GNL3L: variants seen among roughly 807,000 people sequenced by gnomAD.
GNL3L encodes the protein G protein nucleolar 3 like, also known as guanine nucleotide-binding protein-like 3-like protein.
GNL3L carries 4 observed loss-of-function variants against 42.9 expected under a neutral mutation model. The observed-to-expected ratio is 0.09, with a 90% confidence interval of 0.05 to 0.21. The LOEUF is 0.21. GNL3L is among the 10% of genes least tolerant of loss of function. The pLI, the probability that GNL3L is intolerant of heterozygous loss-of-function variation, is 1.00. For missense variants in GNL3L, 412 were observed against 481.7 expected (o/e 0.86, Z 1.36); for synonymous variants, 159 against 176.3 (o/e 0.90, Z 0.78).
At chrX:54,536,992 G>A (rs1326933309) in intron 2 of GNL3L, among the ~76,000 whole-genome samples, 1 of 107,841 alleles carries the variant, frequency 9.3e-6, no homozygotes, top group African/African-American at 3.4e-5. Context: ...ATTTCATCAG[G>A]ATATGTCCAG....
At chrX:54,580,530 G>C (rs1194968481) in intron 16 of GNL3L, among the ~76,000 whole-genome samples, 5 of 110,645 alleles carry the variant, frequency 4.5e-5, no homozygotes, top group African/African-American at 6.6e-5. Flanking sequence ...TGGGATGGCT[G>C]GGTCAAATGG....
At chrX:54,637,782 T>G in the GNL3L span, among the ~76,000 whole-genome samples, 1 of 112,163 alleles carries the variant, frequency 8.9e-6, no homozygotes, top group Non-Finnish European at 1.9e-5. Context: ...GGTATTATGG[T>G]TATTATTATA....
chrX:54,593,167 T>G (rs1925890714), intron 16 of GNL3L, among the ~76,000 whole-genome samples: 1 of 112,086 alleles, frequency 8.9e-6, no homozygotes, highest in Non-Finnish European at 1.9e-5. Context: ...TTTCTCCTCC[T>G]CTATTTTTTG....
chrX:54,538,378 C>T (rs936227324), intron 2 of GNL3L, among the ~76,000 whole-genome samples: 2 of 111,319 alleles, frequency 1.8e-5, no homozygotes, highest in Non-Finnish European at 3.8e-5. Context: ...CCTTGAGCCC[C>T]TATGAAGGTG....
In GNL3L at chrX:54,587,510, A is replaced by T. The variant is rs758243314; in HGVS notation, c.*45+26863A>T. On this transcript the variant is annotated intron_variant, in intron 16 of 16. Coordinates refer to the GNL3L transcript ENST00000674498. ...TTGAGATAATTACCTTTTTAAAAAAACTATAATAGGCCCTCCAAAACTTGA... is the reference window on the plus strand; with the variant it reads ...TTGAGATAATTACCTTTTTAAAAAATCTATAATAGGCCCTCCAAAACTTGA... Among the ~76,000 whole-genome samples, 183 of 111,296 alleles carry T rather than the reference A, an allele frequency of 1.6e-3. 1 individual carries two copies. In the Middle Eastern group the frequency reaches 0.033, roughly 20 times the overall value.
chrX:54,623,266 A>G (rs1211154040), downstream of GNL3L, among the ~76,000 whole-genome samples: 1 of 92,929 alleles, frequency 1.1e-5, no homozygotes, highest in Non-Finnish European at 1.9e-5. Flanking sequence ...ATGTTGAAAT[A>G]TGTTTTTTTT....
intron 5 of GNL3L, 39 bp downstream of exon 5, chrX:54,541,428 A>G: frequency 1.1e-6 from 1 of 887,968 alleles, no homozygotes; most frequent in Non-Finnish European, 1.6e-6. Context: ...GGTTTGCTCA[A>G]AGCATCTTTT....
intron 16 of GNL3L, among the ~76,000 whole-genome samples, chrX:54,572,580 G>A (rs1210907775): frequency 5.4e-5 from 6 of 110,389 alleles, no homozygotes; most frequent in Non-Finnish European, 1.1e-4. Context: ...CAGTAGGGGC[G>A]GCTGGGCAGA....
chrX:54,544,704 C>T (rs1019709516), intron 8 of GNL3L, among the ~76,000 whole-genome samples: 13 of 110,345 alleles, frequency 1.2e-4, no homozygotes, highest in Non-Finnish European at 7.6e-5. Context: ...TCTCGAACTC[C>T]TGACTTCAGG....
At position 54,550,994 on chromosome X, in the gene GNL3L, C is replaced by T. The variant is rs1924920007; in HGVS notation, c.807C>T (p.Ile269=). Residue 269 remains isoleucine (I), a synonymous_variant, in exon 10 of 16, where the codon ATC becomes ATT. Coordinates refer to ENST00000360845, the MANE Select transcript of GNL3L (RefSeq NM_001184819.2). The part of the protein sequence containing the change: ...GLPNVGKSSL[I]NSLKRSRACS... Reference sequence around the variant, plus strand: ...CCAATGTTGGGAAGAGCAGCCTGATCAATAGCCTGAAGCGCAGCCGCGCAT... The same window carrying T: ...CCAATGTTGGGAAGAGCAGCCTGATTAATAGCCTGAAGCGCAGCCGCGCAT... 9.4e-6 allele frequency: 11 copies of T among 1,165,274 alleles called. No individual in the cohort carries two copies. Among genetic ancestry groups the T allele is most frequent in the African/African-American group, 1.8e-5 (1 of 57,029 alleles).
chrX:54,540,116 T>TC lies in GNL3L; in HGVS notation c.82-18dup, dbSNP rs1222473521. On this transcript the variant is annotated intron_variant, in intron 3 of 15. Coordinates refer to ENST00000360845, the MANE Select transcript of GNL3L (RefSeq NM_001184819.2). ...ATGGGTTCATTACCTCTGTTTTTTT[T>TC]CTCTTATGTGGTGGCCAGCCTGCAA... 5.5e-6 allele frequency: 6 copies of TC among 1,098,641 alleles called. No homozygotes were observed. The African/African-American group carries it at 9.1e-5, about 17-fold the overall frequency. 90.5% of individuals were successfully genotyped at this position (1,098,641 alleles called of 1,213,427 possible).
At chrX:54,635,786 A>T in the GNL3L span, among the ~76,000 whole-genome samples, 1 of 110,316 alleles carries the variant, frequency 9.1e-6, no homozygotes, top group East Asian at 2.8e-4. Context: ...CCCCCACCTC[A>T]TCCTTGCAGA....
chrX:54,551,828 C>T lies in GNL3L; in HGVS notation c.1039-4C>T, dbSNP rs1230635689. ...ATGACTTCTCTCCTTCCTCCCTTCA[C>T]CAGATTTCCAACTATTATGGCGTCT... is the stretch of plus-strand genomic sequence containing the variant. On this transcript the variant is annotated splice_region_variant and splice_polypyrimidine_tract_variant and intron_variant, in intron 11 of 15. Transcript: ENST00000360845. 3.3e-6 allele frequency: 4 copies of T among 1,211,628 alleles called. No homozygotes were observed. Among genetic ancestry groups the T allele is most frequent in the Admixed American group, 2.2e-5 (1 of 46,076 alleles).
At chrX:54,550,198 G>A (rs1388535496) in intron 9 of GNL3L, among the ~76,000 whole-genome samples, 1 of 98,906 alleles carries the variant, frequency 1.0e-5, no homozygotes, top group Non-Finnish European at 2.0e-5. Flanking sequence ...CTGAGAATGG[G>A]AATGACCGAG....
chrX:54,614,875 A>G (rs1332015338), intron 16 of GNL3L, among the ~76,000 whole-genome samples: 2 of 111,149 alleles, frequency 1.8e-5, no homozygotes, highest in Non-Finnish European at 1.9e-5. Flanking sequence ...GAAATTTACA[A>G]CGTGAGCTTC....
intron 16 of GNL3L, among the ~76,000 whole-genome samples, chrX:54,607,079 T>C (rs1334255800): frequency 5.1e-5 from 2 of 39,583 alleles, no homozygotes; most frequent in African/African-American, 2.7e-4. Context: ...TTTCTCTTTC[T>C]TTCTTCTTTC....
downstream of GNL3L, among the ~76,000 whole-genome samples, chrX:54,624,521 T>TC (rs1926330731): frequency 9.9e-6 from 1 of 101,089 alleles, no homozygotes; most frequent in African/African-American, 3.6e-5. Context: ...CACTGCAACC[T>TC]CCGTCTCCCG....
chrX:54,570,447 G>A (rs1925527878), downstream of GNL3L, among the ~76,000 whole-genome samples: 2 of 111,640 alleles, frequency 1.8e-5, no homozygotes, highest in Non-Finnish European at 3.8e-5. Context: ...TGTTTAAAGT[G>A]CATTTATCAT....
chrX:54,608,779 C>T (rs1175304656), intron 16 of GNL3L, among the ~76,000 whole-genome samples: 1 of 112,083 alleles, frequency 8.9e-6, no homozygotes, highest in Non-Finnish European at 1.9e-5. Flanking sequence ...GGGTTGGTTC[C>T]ACGATTTTGC....
Sources: gnomAD v4.1 joint callset for allele counts (sites outside exome capture counted in the v4.1 genomes callset) on GRCh38, gnomAD v4.1.1 for gene constraint, MANE v1.5 for transcripts, NCBI Gene and HGNC (gene_info 2026-07-23, HGNC 2026-07-21) for gene names.